DMTN: variants seen among roughly 807,000 people sequenced by gnomAD.
DMTN encodes the protein dematin actin binding protein, also known as dematin.
DMTN carries 27 observed loss-of-function variants against 59.4 expected under a neutral mutation model. That is an observed-to-expected ratio of 0.45 (90% CI 0.33 to 0.63). The LOEUF is 0.63. Ranked by LOEUF, DMTN falls within the 20% of genes least tolerant of loss-of-function variation. The probability of loss-of-function intolerance (pLI) is 0.02; values close to 1 mark genes in which losing one functional copy is unlikely to be tolerated. For missense variants in DMTN, 451 were observed against 528.9 expected, an observed-to-expected ratio of 0.85 and a Z score of 1.45; for synonymous variants, 221 against 203.7, an observed-to-expected ratio of 1.08 and a Z score of -0.72.
chr8:22,069,458 G>C lies in DMTN; in HGVS notation c.334G>C (p.Ala112Pro), dbSNP rs1813466726. The C allele has an allele frequency of 6.2e-7, 1 of 1,613,182 alleles. No homozygotes were observed. Among genetic ancestry groups the C allele is most frequent in the Admixed American group, 1.7e-5 (1 of 59,932 alleles). Residue 112 changes from alanine to proline, a missense_variant, in exon 6 of 16, where the codon GCC becomes CCC. Coordinates refer to ENST00000358242, the MANE Select transcript of DMTN (RefSeq NM_001387751.1). ...CCGGTCGCCTGGAATCATCTCTCAG[G>C]CCTCGGCCCCCAGAACCACTGGAAC... Reference protein sequence around the residue: ...DSRSPGIISQASAPRTTGTPR... With the variant: ...DSRSPGIISQPSAPRTTGTPR...
chr8:22,062,544 C>T (rs1464832419), intron 1 of DMTN, among the ~76,000 whole-genome samples: 2 of 152,154 alleles, frequency 1.3e-5, no homozygotes, highest in Non-Finnish European at 2.9e-5. Flanking sequence ...ACCGTTCTCT[C>T]TCTGCTGTCT....
At position 22,080,078 on chromosome 8, in the gene DMTN, T is replaced by G. The variant is rs1037933887; in HGVS notation, c.836-102T>G. On this transcript the variant is annotated intron_variant, in intron 10 of 15. Coordinates refer to ENST00000358242, the MANE Select transcript of DMTN (RefSeq NM_001387751.1). ...ACCAGGTTCCCCCCAGCGTGATCCC[T>G]TCCTGCCCTGCCCCAGCTGTGGAAG... is the stretch of plus-strand genomic sequence containing the variant. 29 of 1,404,012 alleles carry G rather than the reference T, an allele frequency of 2.1e-5. No homozygotes were observed. In the African/African-American group the frequency reaches 3.7e-4, roughly 18 times the overall value. The allele number at this position is 1,404,012 out of a possible 1,614,324, so 87.0% of individuals were successfully genotyped here. A position where few individuals can be genotyped will look rare whatever the true frequency, so the allele number is the denominator to read the frequency against.
At chr8:22,059,694 G>A (rs1804903068) in intron 1 of DMTN, among the ~76,000 whole-genome samples, 1 of 152,180 alleles carries the variant, frequency 6.6e-6, no homozygotes, top group African/African-American at 2.4e-5. Context: ...GTCGTTTTGT[G>A]TGAGGTTTAG....
upstream of DMTN, among the ~76,000 whole-genome samples, chr8:22,053,955 G>T (rs1228365939): frequency 6.6e-6 from 1 of 152,182 alleles, no homozygotes; most frequent in Non-Finnish European, 1.5e-5. Flanking sequence ...AGTTCAGCTG[G>T]CCTTGAGAGG....
At chr8:22,052,966 TG>T (rs1801503533), upstream of DMTN, among the ~76,000 whole-genome samples, 1 of 152,094 alleles carries the variant, frequency 6.6e-6, no homozygotes, top group Non-Finnish European at 1.5e-5. Context: ...TCGTGAGTTC[TG>T]GGGCAGGAGA....
chr8:22,071,546 C>A (rs914153793), intron 8 of DMTN, among the ~76,000 whole-genome samples: 1 of 151,944 alleles, frequency 6.6e-6, no homozygotes, highest in Non-Finnish European at 1.5e-5. Context: ...AGGTGCCCAC[C>A]ACCACACCTG....
rs535189938 is a variant in DMTN at position 22,082,023 on chromosome 8, C to T, written c.*560C>T. 2 of 456,940 alleles carry T rather than the reference C, an allele frequency of 4.4e-6. No individual in the cohort carries two copies. The highest frequency in any genetic ancestry group is 2.3e-5 in the Admixed American group (1 of 42,592). 28.3% of individuals were successfully genotyped at this position (456,940 alleles called of 1,614,324 possible). ...CTTGCCCTGACCTCCGCTCGCAAAC[C>T]CCGAGCTTCCAAGCCTTTTGCTCCA... On this transcript the variant is annotated 3_prime_UTR_variant, in exon 16 of 16. Transcript: ENST00000358242.
chr8:22,066,197 T>G (rs2130853573), intron 1 of DMTN, among the ~76,000 whole-genome samples: 1 of 152,360 alleles, frequency 6.6e-6, no homozygotes, highest in East Asian at 1.9e-4. Flanking sequence ...TGTGTGAAGT[T>G]CTGACGTGTG....
Position 22,070,152 on chromosome 8 carries a change from C to T in DMTN, c.452-30C>T, listed in dbSNP as rs373778843. 5.1e-6 allele frequency: 8 copies of T among 1,564,830 alleles called. No individual in the cohort carries two copies. The African/African-American group carries it at 6.8e-5, about 13-fold the overall frequency. On this transcript the variant is annotated intron_variant, in intron 7 of 15. Transcript: ENST00000358242. ...AGCCAAGTTGGCCTCGGGCAGGGCA[C>T]ACCTGGCTGACCCTGGCCTTTGTCT...
At position 22,070,026 on chromosome 8, in the gene DMTN, G is replaced by A. The variant is rs187947993; in HGVS notation, c.451+89G>A. 11,523 of 1,577,088 alleles carry A rather than the reference G, an allele frequency of 7.3e-3. 73 individuals carry two copies. The highest frequency in any genetic ancestry group is 8.6e-3 in the Middle Eastern group (51 of 5,960). On this transcript the variant is annotated intron_variant, in intron 7 of 15. Transcript: ENST00000358242. ...GGCTGCGGGCTGGCTGGAGGGGGTC[G>A]GGAGGATAGCATGTCACAGCAGCAC... is the stretch of plus-strand genomic sequence containing the variant.
chr8:22,072,131 C>T (rs932567193), intron 8 of DMTN, among the ~76,000 whole-genome samples, 195 bp from the exon 9 acceptor site: 1 of 152,108 alleles, frequency 6.6e-6, no homozygotes, highest in African/African-American at 2.4e-5. Flanking sequence ...CTCAAGCGAT[C>T]CTCCCACCTC....
chr8:22,062,109 C>G (rs1022305180), intron 1 of DMTN, among the ~76,000 whole-genome samples: 25 of 151,978 alleles, frequency 1.6e-4, no homozygotes, highest in Non-Finnish European at 2.5e-4. Context: ...TGTTACCCAA[C>G]TTCTTTCCCT....
Position 22,058,748 on chromosome 8 carries a change from TA to T in DMTN, c.-172+1618del, listed in dbSNP as rs1804156297. Among the ~76,000 whole-genome samples, 1 of 151,844 alleles carries T rather than the reference TA, an allele frequency of 6.6e-6. No individual in the cohort carries two copies. The highest frequency in any genetic ancestry group is 6.5e-5 in the Admixed American group (1 of 15,296). On this transcript the variant is annotated intron_variant, in intron 1 of 15. Coordinates refer to ENST00000358242, the MANE Select transcript of DMTN (RefSeq NM_001387751.1). This position sits in a 1 kb window ranked among gnomAD's most constrained non-coding sequence, Gnocchi z 4.3. ...ACCCTCATCCCAGCAGACACAACGG[TA>T]AAAAACATTGGAGTAGGGGAGAGGG...
chr8:22,079,086 C>G (rs1453891140), intron 10 of DMTN, among the ~76,000 whole-genome samples: 3 of 151,132 alleles, frequency 2.0e-5, no homozygotes, highest in South Asian at 2.1e-4. Flanking sequence ...GTGTGAGCCA[C>G]TGTGCCCAGC....
intron 10 of DMTN, among the ~76,000 whole-genome samples, chr8:22,078,504 G>T (rs201908263): frequency 4.0e-4 from 5 of 12,524 alleles, no homozygotes; most frequent in African/African-American, 8.2e-4. Flanking sequence ...ATACAAAAAT[G>T]CTTGTGGAAA....
chr8:22,081,639 T>A lies in DMTN; in HGVS notation c.*176T>A. 1 of 623,978 alleles carries A rather than the reference T, an allele frequency of 1.6e-6. No individual in the cohort carries two copies. The highest frequency in any genetic ancestry group is 2.8e-6 in the Non-Finnish European group (1 of 351,270). The allele number at this position is 623,978 out of a possible 1,614,324, so 38.7% of individuals were successfully genotyped here. ...AGTGAGCTATGGACTTTCTTCCCCCTCACAAGGCTGGGGGCCTCCTGCTCT... is the reference window on the plus strand; with the variant it reads ...AGTGAGCTATGGACTTTCTTCCCCCACACAAGGCTGGGGGCCTCCTGCTCT... On this transcript the variant is annotated 3_prime_UTR_variant, in exon 16 of 16. Transcript: ENST00000358242.
chr8:22,081,342 C>G lies in DMTN; in HGVS notation c.1105-8C>G. ...TCCATGCTGAGCTGCCCCGATTCCC[C>G]CATGTAGAGGCATCTGTCTGCCGAG... On this transcript the variant is annotated splice_region_variant and splice_polypyrimidine_tract_variant and intron_variant, in intron 15 of 15. Coordinates refer to ENST00000358242, the MANE Select transcript of DMTN (RefSeq NM_001387751.1). The G allele has an allele frequency of 6.2e-7, 1 of 1,613,648 alleles. No homozygotes were observed. Among genetic ancestry groups the G allele is most frequent in the Non-Finnish European group, 8.5e-7 (1 of 1,179,596 alleles).
rs1412984749 is a variant in DMTN at position 22,081,821 on chromosome 8, A to G, written c.*358A>G. On this transcript the variant is annotated 3_prime_UTR_variant, in exon 16 of 16. Transcript: ENST00000358242. ...TGGCTGTCTTGAACAGCTGGAGGGA[A>G]GATGCAGGGGTGGGAAGCGGCCAGG... 4.2e-6 allele frequency: 2 copies of G among 480,798 alleles called. No individual in the cohort carries two copies. The highest frequency in any genetic ancestry group is 2.0e-5 in the African/African-American group (1 of 51,144). The allele number at this position is 480,798 out of a possible 1,614,324, so 29.8% of individuals were successfully genotyped here. A position where few individuals can be genotyped will look rare whatever the true frequency, so the allele number is the denominator to read the frequency against.
Position 22,081,962 on chromosome 8 carries a change from T to C in DMTN, c.*499T>C. 1 of 452,568 alleles carries C rather than the reference T, an allele frequency of 2.2e-6. No homozygotes were observed. The highest frequency in any genetic ancestry group is 1.6e-5 in the South Asian group (1 of 64,370). 28.0% of individuals were successfully genotyped at this position (452,568 alleles called of 1,614,324 possible). A position where few individuals can be genotyped will look rare whatever the true frequency, so the allele number is the denominator to read the frequency against. ...GACTCTAGTGGGAACAGGCCCCAGC[T>C]CAGCCTCCGGCAGGGAGGTCACCCC... On this transcript the variant is annotated 3_prime_UTR_variant, in exon 16 of 16. Transcript: ENST00000358242.
Sources: gnomAD v4.1 joint callset for allele counts (sites outside exome capture counted in the v4.1 genomes callset) on GRCh38, gnomAD v4.1.1 for gene constraint, Gnocchi (gnomAD v3.1) non-coding constraint, MANE v1.5 for transcripts, NCBI Gene and HGNC (gene_info 2026-07-23, HGNC 2026-07-21) for gene names.